The following ENTPD5 variants were observed in gnomAD, a reference collection of about 807,000 sequenced individuals.
The protein encoded by ENTPD5 is ectonucleoside triphosphate diphosphohydrolase 5 (inactive), also known as nucleoside diphosphate phosphatase ENTPD5.
ENTPD5 carries 49 observed loss-of-function variants against 60.2 expected under a neutral mutation model. The ratio of observed to expected loss-of-function variants is 0.81; its 90% CI spans 0.65 to 1.03. The LOEUF is 1.03. Ranked by LOEUF, ENTPD5 falls within the 50% of genes least tolerant of loss-of-function variation. ENTPD5 has a pLI of 0.00. For missense variants in ENTPD5, 480 were observed against 507.6 expected (o/e 0.95, Z 0.52); for synonymous variants, 187 against 185.4 (o/e 1.01, Z -0.07).
chr14:73,995,906 T>C (rs1465917985), intron 3 of ENTPD5, among the ~76,000 whole-genome samples: 1 of 152,118 alleles, frequency 6.6e-6, no homozygotes, highest in Middle Eastern at 3.2e-3. Context: ...ATTCTTTTTG[T>C]TGAGACTCTG....
chr14:73,963,082 T>C (rs187468747), downstream of ENTPD5: 7 of 1,137,956 alleles, frequency 6.2e-6, no homozygotes, highest in African/African-American at 6.1e-5. Flanking sequence ...CAAGATCTTA[T>C]TTAATTTAAT....
chr14:73,994,266 C>T (rs914342853), intron 3 of ENTPD5, among the ~76,000 whole-genome samples: 1 of 151,928 alleles, frequency 6.6e-6, no homozygotes, highest in African/African-American at 2.4e-5. Context: ...GCTAGGATTA[C>T]AGGCGCATAC....
chr14:73,989,319 T>C (rs557575678), intron 3 of ENTPD5, among the ~76,000 whole-genome samples: 4 of 151,592 alleles, frequency 2.6e-5, no homozygotes, highest in African/African-American at 9.7e-5. Flanking sequence ...CCCAGCACTT[T>C]GGGAGGCCAA....
intron 5 of ENTPD5, among the ~76,000 whole-genome samples, chr14:73,985,372 T>C (rs2057856967): frequency 1.3e-5 from 2 of 152,220 alleles, no homozygotes; most frequent in Admixed American, 1.3e-4. Flanking sequence ...TGTAAGAGTG[T>C]TCCTATTTCT....
At chr14:73,993,375 G>A (rs1186617247) in intron 3 of ENTPD5, among the ~76,000 whole-genome samples, 1 of 152,124 alleles carries the variant, frequency 6.6e-6, no homozygotes, top group Non-Finnish European at 1.5e-5. Flanking sequence ...TTGGTCTTAG[G>A]TACTACCAAA....
chr14:73,989,905 G>A (rs2058066424), intron 3 of ENTPD5, among the ~76,000 whole-genome samples: 1 of 151,544 alleles, frequency 6.6e-6, no homozygotes, highest in Non-Finnish European at 1.5e-5. Context: ...TACTCAGGAG[G>A]CTGAGGCAGG....
intron 2 of ENTPD5, among the ~76,000 whole-genome samples, chr14:74,012,480 T>C (rs1350981981): frequency 1.3e-5 from 2 of 152,224 alleles, no homozygotes; most frequent in Admixed American, 6.5e-5. Flanking sequence ...TAATGTTTGT[T>C]AAATAAATTA....
chr14:74,004,429 C>G (rs1191613025), intron 3 of ENTPD5, among the ~76,000 whole-genome samples: 2 of 152,166 alleles, frequency 1.3e-5, no homozygotes, highest in Admixed American at 6.5e-5. Context: ...TCCCAAAGTG[C>G]TGAGATTACA....
At chr14:74,010,821 C>T (rs1022024425) in intron 3 of ENTPD5, among the ~76,000 whole-genome samples, 1 of 152,104 alleles carries the variant, frequency 6.6e-6, no homozygotes, top group Non-Finnish European at 1.5e-5. Flanking sequence ...GTGCCCAGCT[C>T]CTTCAATAAA....
chr14:73,979,982 T>G (rs1339459871), intron 6 of ENTPD5, among the ~76,000 whole-genome samples: 1 of 149,754 alleles, frequency 6.7e-6, no homozygotes, highest in Non-Finnish European at 1.5e-5. Flanking sequence ...GTTTCACTCT[T>G]GTCACCCAGG....
intron 10 of ENTPD5, 29 bp from the exon 11 acceptor site, chr14:73,975,014 T>G: frequency 6.4e-7 from 1 of 1,562,418 alleles, no homozygotes; most frequent in Non-Finnish European, 8.8e-7. Flanking sequence ...ACTAATTTCA[T>G]GCTGGTCCTG....
rs904375575 is a variant in ENTPD5, at chr14:73,971,965, A to AATTC, written c.1028-61_1028-58dup. ...AAACGCCTTCAAGGAAGCATAAGGA[A>AATTC]ATTCATTCATTCATTCATTATATAC... On this transcript the variant is annotated intron_variant, in intron 13 of 15. Coordinates refer to ENST00000334696, the MANE Select transcript of ENTPD5 (RefSeq NM_001249.5). The AATTC allele has an allele frequency of 3.9e-5, 41 of 1,042,148 alleles. No homozygotes were observed. The African/African-American group carries it at 5.9e-4, about 15-fold the overall frequency. 64.6% of individuals were successfully genotyped at this position (1,042,148 alleles called of 1,614,324 possible).
chr14:73,967,561 C>T (rs995583139), intron 15 of ENTPD5, among the ~76,000 whole-genome samples: 1 of 152,098 alleles, frequency 6.6e-6, no homozygotes, highest in African/African-American at 2.4e-5. Context: ...ACTCCTGGCA[C>T]TTTGGGAGGC....
At chr14:73,989,683 A>G (rs1189284143) in intron 3 of ENTPD5, among the ~76,000 whole-genome samples, 1 of 152,180 alleles carries the variant, frequency 6.6e-6, no homozygotes, top group Admixed American at 6.5e-5. Flanking sequence ...AAATACAAAA[A>G]TTAGCTGGGC....
downstream of ENTPD5, chr14:73,955,855 A>G: frequency 1.9e-6 from 3 of 1,614,154 alleles, no homozygotes; most frequent in South Asian, 1.1e-5. Flanking sequence ...AGGATAATTT[A>G]GATGACATGG....
At chr14:74,002,062 G>A (rs1393029668) in intron 3 of ENTPD5, among the ~76,000 whole-genome samples, 1 of 152,128 alleles carries the variant, frequency 6.6e-6, no homozygotes, top group African/African-American at 2.4e-5. Flanking sequence ...CAAGCATGAT[G>A]TTAAGTATTC....
downstream of ENTPD5, chr14:73,959,636 T>C (rs1566690218): frequency 1.3e-6 from 2 of 1,554,506 alleles, no homozygotes. Context: ...GGCGCGATCT[T>C]GGCTCACTGT....
intron 1 of ENTPD5, among the ~76,000 whole-genome samples, chr14:74,017,904 C>T (rs1056105925): frequency 2.2e-5 from 3 of 138,344 alleles, no homozygotes; most frequent in Non-Finnish European, 3.1e-5. Flanking sequence ...GGTTTACAGC[C>T]GGGGCGGTGG....
At chr14:73,999,484 C>T (rs2058437022) in intron 3 of ENTPD5, among the ~76,000 whole-genome samples, 1 of 147,082 alleles carries the variant, frequency 6.8e-6, no homozygotes. Flanking sequence ...TAAGACTCTG[C>T]CCCCCACCCC....
Sources: allele counts gnomAD v4.1 joint callset (sites outside exome capture counted in the v4.1 genomes callset), GRCh38; gene constraint gnomAD v4.1.1; transcripts MANE v1.5; gene names NCBI Gene and HGNC (gene_info 2026-07-23, HGNC 2026-07-21).